The following VAPB variants were observed in gnomAD, a reference collection of about 807,000 sequenced individuals.
VAPB encodes VAMP associated protein B and C, also known as vesicle-associated membrane protein-associated protein B/C.
In VAPB, 7 loss-of-function variants were observed where a neutral mutation model predicts 25.6. The ratio of observed to expected loss-of-function variants is 0.27; its 90% CI spans 0.16 to 0.51. VAPB has a LOEUF of 0.51. Among genes scored for constraint, VAPB ranks in the 20% least tolerant of loss-of-function variants. The pLI is 0.97. For missense variants in VAPB, 266 were observed against 301.3 expected (o/e 0.88, Z 0.87); for synonymous variants, 112 against 109.2 (o/e 1.03, Z -0.16).
chr20:58,393,712 GTTTGT>G (rs71938478), intron 1 of VAPB, among the ~76,000 whole-genome samples: 43,603 of 150,358 alleles, frequency 0.29, 6,375 homozygotes, highest in South Asian at 0.36. Context: ...CTAGGTTAAG[GTTTGT>G]TTTGTTTTGT....
chr20:58,404,129 A>G (rs535418630), intron 1 of VAPB, among the ~76,000 whole-genome samples: 24 of 152,206 alleles, frequency 1.6e-4, no homozygotes, highest in Non-Finnish European at 3.1e-4. Context: ...TATACTTTAT[A>G]CAGTTTCCAG....
chr20:58,418,144 C>T, intron 1 of VAPB, 67 bp from the exon 2 acceptor site: 1 of 1,603,552 alleles, frequency 6.2e-7, no homozygotes. Context: ...ATTTACAGCT[C>T]TCTTTTCCAC....
In VAPB at chr20:58,394,890, C is replaced by G. The variant is rs375899149; in HGVS notation, c.58+5373C>G. On this transcript the variant is annotated intron_variant, in intron 1 of 5. Coordinates refer to ENST00000475243, the MANE Select transcript of VAPB (RefSeq NM_004738.5). ...GTGTGGATTTACTAAAATAATTAGT[C>G]TGAATTGATGCTTATTAAAGAGCTG... Among the ~76,000 whole-genome samples, 18 of 152,290 alleles carry G rather than the reference C, an allele frequency of 1.2e-4. No individual in the cohort carries two copies. The East Asian group carries it at 2.7e-3, about 23-fold the overall frequency.
intron 3 of VAPB, 144 bp from the exon 4 acceptor site, chr20:58,438,801 A>G (rs1430868307): frequency 8.8e-6 from 6 of 679,162 alleles, no homozygotes; most frequent in Non-Finnish European, 1.5e-5. Flanking sequence ...AAATATTGAA[A>G]TCTCAGCAGA....
At chr20:58,401,502 C>A (rs772738292) in intron 1 of VAPB, among the ~76,000 whole-genome samples, 1 of 152,130 alleles carries the variant, frequency 6.6e-6, no homozygotes, top group African/African-American at 2.4e-5. Flanking sequence ...ACCATTTGAC[C>A]CCTGTTGTCA....
chr20:58,426,062 T>A (rs1335417863), intron 2 of VAPB, among the ~76,000 whole-genome samples: 1 of 151,734 alleles, frequency 6.6e-6, no homozygotes, highest in Non-Finnish European at 1.5e-5. Context: ...CCAGCTAAAT[T>A]TTTTGTATTT....
chr20:58,396,912 A>G (rs1245339373), intron 1 of VAPB, among the ~76,000 whole-genome samples: 3 of 143,324 alleles, frequency 2.1e-5, no homozygotes, highest in East Asian at 3.9e-4. Flanking sequence ...AGGCTGCACT[A>G]GTAAATGGTG....
chr20:58,417,114 G>A (rs1219918736), intron 1 of VAPB, among the ~76,000 whole-genome samples: 1 of 152,096 alleles, frequency 6.6e-6, no homozygotes, highest in Non-Finnish European at 1.5e-5. Flanking sequence ...TTGCCTAGAG[G>A]AAACACAGAA....
At chr20:58,398,493 G>C (rs1025953028) in intron 1 of VAPB, among the ~76,000 whole-genome samples, 1 of 152,206 alleles carries the variant, frequency 6.6e-6, no homozygotes, top group Admixed American at 6.5e-5. Context: ...CCAGGCACTA[G>C]GTTGCACTGG....
intron 1 of VAPB, among the ~76,000 whole-genome samples, chr20:58,399,182 T>TC (rs1988035787): frequency 6.6e-6 from 1 of 151,694 alleles, no homozygotes; most frequent in Non-Finnish European, 1.5e-5. Context: ...ATGCCTGTAA[T>TC]CCAGGTACTG....
At chr20:58,413,854 C>T (rs1303934225) in intron 1 of VAPB, among the ~76,000 whole-genome samples, 5 of 125,564 alleles carry the variant, frequency 4.0e-5, no homozygotes, top group African/African-American at 1.2e-4. Flanking sequence ...CCAGATAGGG[C>T]GGCTGGCCTG....
chr20:58,444,202 C>T lies in VAPB; in HGVS notation c.699C>T (p.Ile233=), dbSNP rs372088559. 12 of 1,614,046 alleles carry T rather than the reference C, an allele frequency of 7.4e-6. No homozygotes were observed. The highest frequency in any genetic ancestry group is 6.7e-5 in the Admixed American group (4 of 60,006). Residue 233 remains isoleucine, a synonymous_variant, in exon 6 of 6, where the codon ATC becomes ATT. Coordinates refer to ENST00000475243, the MANE Select transcript of VAPB (RefSeq NM_004738.5). ...TGGCTCTGGTGGTTTTGTTCTTTAT[C>T]GTTGGTGTAATTATTGGGAAGATTG... ...RLLALVVLFF[I]VGVIIGKIAL
In VAPB at chr20:58,450,662, CTA is replaced by C. The variant is rs1168588461; in HGVS notation, c.*6429_*6430del. ...CTCTCCCTATTCTACGTCTTTCTCC[CTA>C]TGTTGAAAAAAGATTCCCACAGTTT... On this transcript the variant is annotated 3_prime_UTR_variant, in exon 6 of 6. Transcript: ENST00000475243. The C allele has an allele frequency of 6.6e-6, 3 of 453,874 alleles. No individual in the cohort carries two copies. Among genetic ancestry groups the C allele is most frequent in the Non-Finnish European group, 1.3e-5 (3 of 226,764 alleles). The allele number at this position is 453,874 out of a possible 1,614,324, so 28.1% of individuals were successfully genotyped here.
rs1462597687 is a variant in VAPB at position 58,408,554 on chromosome 20, G to A, written c.59-9657G>A. Among the ~76,000 whole-genome samples the A allele has an allele frequency of 3.3e-5, 5 of 152,122 alleles. No individual in the cohort carries two copies. The South Asian group carries it at 8.3e-4, about 25-fold the overall frequency. ...CCAGTGTCCTTATTCTTGAGTTCAT[G>A]GTTATTTAACAGCTCACTCTCTTCG... On this transcript the variant is annotated intron_variant, in intron 1 of 5. Transcript: ENST00000475243.
At position 58,448,413 on chromosome 20, in the gene VAPB, A is replaced by G. The variant is rs945994554; in HGVS notation, c.*4178A>G. The G allele has an allele frequency of 8.8e-6, 4 of 453,958 alleles. No homozygotes were observed. Among genetic ancestry groups the G allele is most frequent in the South Asian group, 1.6e-5 (1 of 64,478 alleles). 28.1% of individuals were successfully genotyped at this position (453,958 alleles called of 1,614,324 possible). ...TACTGTTGTTTCAATGCCACTCCTT[A>G]CCTGTATAGAACATTTCCAATACAT... On this transcript the variant is annotated 3_prime_UTR_variant, in exon 6 of 6. Transcript: ENST00000475243.
Position 58,446,671 on chromosome 20 carries a change from T to C in VAPB, c.*2436T>C. On this transcript the variant is annotated 3_prime_UTR_variant, in exon 6 of 6. Transcript: ENST00000475243. The stretch of plus-strand genomic sequence containing the variant: ...TGCAGCTAAAAATCAGTCTCTGAAG[T>C]CTCTCTCCCTTCTAGAGGTTAGGAC... The C allele has an allele frequency of 2.2e-6, 1 of 454,058 alleles. No homozygotes were observed. The highest frequency in any genetic ancestry group is 4.4e-6 in the Non-Finnish European group (1 of 226,772). The allele number at this position is 454,058 out of a possible 1,614,324, so 28.1% of individuals were successfully genotyped here.
chr20:58,439,107 T>G (rs1989108399), intron 4 of VAPB, 82 bp downstream of exon 4: 7 of 1,332,604 alleles, frequency 5.3e-6, no homozygotes, highest in Non-Finnish European at 7.5e-6. Context: ...AACCAAGATT[T>G]AAGTTGGCAA....
In VAPB at chr20:58,389,302, A is replaced by C. The variant is rs1244446769; in HGVS notation, c.-158A>C. On this transcript the variant is annotated 5_prime_UTR_variant, in exon 1 of 6. Coordinates refer to ENST00000475243, the MANE Select transcript of VAPB (RefSeq NM_004738.5). ...CCCTGCGCCTGCACCGCGTAGACCG[A>C]CCCCCCCCCAGCGCGCCCACCCGGT... 2.1e-3 allele frequency: 830 copies of C among 399,846 alleles called. No homozygotes were observed. Among genetic ancestry groups the C allele is most frequent in the Non-Finnish European group, 2.4e-3 (493 of 202,562 alleles). The allele number at this position is 399,846 out of a possible 1,614,324, so 24.8% of individuals were successfully genotyped here.
chr20:58,397,531 A>AC (rs1218037770), intron 1 of VAPB, among the ~76,000 whole-genome samples: 61 of 152,000 alleles, frequency 4.0e-4, no homozygotes, highest in Middle Eastern at 3.4e-3. Flanking sequence ...AAAAAAAAAA[A>AC]AAACAAAACA....
Sources: gnomAD v4.1 joint callset for allele counts (sites outside exome capture counted in the v4.1 genomes callset) on GRCh38, gnomAD v4.1.1 for gene constraint, MANE v1.5 for transcripts, NCBI Gene and HGNC (gene_info 2026-07-23, HGNC 2026-07-21) for gene names.